EPB41L4B: variants seen among roughly 807,000 people sequenced by gnomAD.
The protein encoded by EPB41L4B is band 4.1-like protein 4B.
In EPB41L4B, 30 loss-of-function variants were observed where a neutral mutation model predicts 112.5. The ratio of observed to expected loss-of-function variants is 0.27; its 90% CI spans 0.20 to 0.36. The LOEUF is 0.36. Among genes scored for constraint, EPB41L4B ranks in the 10% least tolerant of loss-of-function variants. EPB41L4B has a pLI of 1.00. For synonymous variants in EPB41L4B, 408 were observed against 439.7 expected (o/e 0.93, Z 0.90); for missense variants, 1,024 against 1,133.3 (o/e 0.90, Z 1.38).
intron 1 of EPB41L4B, among the ~76,000 whole-genome samples, chr9:109,296,540 C>T (rs553655327): frequency 3.3e-5 from 5 of 152,074 alleles, no homozygotes; most frequent in South Asian, 2.1e-4. Context: ...ACCTATGGGA[C>T]GGGCCTGGGG....
intron 1 of EPB41L4B, among the ~76,000 whole-genome samples, chr9:109,290,784 C>A (rs77135515): frequency 0.021 from 3,131 of 147,618 alleles, 48 homozygotes; most frequent in East Asian, 0.098. Flanking sequence ...ACACACACAC[C>A]CCCCACCAAG....
At position 109,267,560 on chromosome 9, in the gene EPB41L4B, T is replaced by G. The variant is rs771645900; in HGVS notation, c.455-9A>C. 1.3e-5 allele frequency: 20 copies of G among 1,579,068 alleles called. No individual in the cohort carries two copies. The highest frequency in any genetic ancestry group is 1.7e-5 in the Non-Finnish European group (19 of 1,148,936). ...AGCATAAGCAGGTCCAACTAAACAT[T>G]TGGAGATGGAAGGTTGAAGATGTTT... On this transcript the variant is annotated splice_polypyrimidine_tract_variant and intron_variant, in intron 3 of 25. Transcript: ENST00000374566.
chr9:109,276,580 T>C (rs144577245), intron 2 of EPB41L4B, among the ~76,000 whole-genome samples: 80 of 152,066 alleles, frequency 5.3e-4, no homozygotes, highest in African/African-American at 1.7e-3. Context: ...ATTTGTAGAG[T>C]TGGATGCTGG....
At chr9:109,296,552 T>G (rs1836736877) in intron 1 of EPB41L4B, among the ~76,000 whole-genome samples, 1 of 152,126 alleles carries the variant, frequency 6.6e-6, no homozygotes, top group South Asian at 2.1e-4. Context: ...GGCCTGGGGA[T>G]GAAGGTAGCC....
At chr9:109,258,989 G>A (rs1419715403) in intron 6 of EPB41L4B, among the ~76,000 whole-genome samples, 1 of 152,146 alleles carries the variant, frequency 6.6e-6, no homozygotes. Context: ...GAGGATACAG[G>A]TGGCCCCCTC....
chr9:109,219,696 T>C (rs1833508217), intron 15 of EPB41L4B, among the ~76,000 whole-genome samples: 2 of 152,236 alleles, frequency 1.3e-5, no homozygotes, highest in Non-Finnish European at 2.9e-5. Flanking sequence ...AAATTAAATT[T>C]CACAACTGCA....
At chr9:109,300,881 A>T (rs1201866233) in intron 1 of EPB41L4B, 1 of 152,220 alleles carries the variant, frequency 6.6e-6, no homozygotes, top group East Asian at 1.9e-4. Flanking sequence ...AGTTACCACT[A>T]CTAACATCCA....
chr9:109,217,167 G>A (rs778920846), intron 15 of EPB41L4B, 22 bp from the exon 16 acceptor site: 1 of 1,610,284 alleles, frequency 6.2e-7, no homozygotes, highest in East Asian at 2.2e-5. Context: ...GACACAGTCA[G>A]GATTTAGAAA....
At chr9:109,271,177 C>T (rs1835601854) in intron 2 of EPB41L4B, among the ~76,000 whole-genome samples, 1 of 152,250 alleles carries the variant, frequency 6.6e-6, no homozygotes, top group African/African-American at 2.4e-5. Flanking sequence ...TACCGGGTGG[C>T]TGACTGCTTT....
At chr9:109,268,315 A>T in intron 3 of EPB41L4B, 76 bp downstream of exon 3, 1 of 1,320,588 alleles carries the variant, frequency 7.6e-7, no homozygotes, top group Non-Finnish European at 1.1e-6. Context: ...ATGAAAACAT[A>T]ACACCTCAAA....
chr9:109,188,067 A>G (rs915268062), intron 22 of EPB41L4B, among the ~76,000 whole-genome samples: 2 of 152,166 alleles, frequency 1.3e-5, no homozygotes, highest in African/African-American at 4.8e-5. Flanking sequence ...GCAAGCAGCT[A>G]CATTCATCTG....
intron 15 of EPB41L4B, among the ~76,000 whole-genome samples, chr9:109,238,827 G>A (rs913220737): frequency 6.6e-6 from 1 of 152,220 alleles, no homozygotes; most frequent in Non-Finnish European, 1.5e-5. Flanking sequence ...AGAAAGAACA[G>A]TATTTGCAAA....
chr9:109,290,547 C>G (rs1836484328), intron 1 of EPB41L4B, among the ~76,000 whole-genome samples: 1 of 152,222 alleles, frequency 6.6e-6, no homozygotes, highest in East Asian at 1.9e-4. Context: ...CAGAGCTCCA[C>G]CTGGGATCAG....
intron 5 of EPB41L4B, 30 bp downstream of exon 5, chr9:109,264,950 G>A: frequency 6.3e-7 from 1 of 1,581,440 alleles, no homozygotes; most frequent in Non-Finnish European, 8.6e-7. Flanking sequence ...ATCTATCCTG[G>A]GTTAAGAGTT....
intron 17 of EPB41L4B, among the ~76,000 whole-genome samples, chr9:109,211,362 C>A (rs4978386): frequency 0.38 from 57,170 of 151,562 alleles, 11,312 homozygotes; most frequent in Middle Eastern, 0.46. Context: ...TGGGAGGCTG[C>A]GGAGTGTGGA....
rs142022792 is a variant in EPB41L4B at position 109,262,945 on chromosome 9, A to G, written c.631+105T>C. On this transcript the variant is annotated intron_variant, in intron 6 of 25. Transcript: ENST00000374566. ...GACAGAGACCGTGTCATATTCATTT[A>G]TATCCCCAAAGCTAAGCACTGGGCC... is the stretch of plus-strand genomic sequence containing the variant. 7.7e-5 allele frequency: 60 copies of G among 779,166 alleles called. No individual in the cohort carries two copies. The African/African-American group carries it at 9.2e-4, about 12-fold the overall frequency. The allele number at this position is 779,166 out of a possible 1,614,324, so 48.3% of individuals were successfully genotyped here. A position where few individuals can be genotyped will look rare whatever the true frequency, so the allele number is the denominator to read the frequency against.
Position 109,216,996 on chromosome 9 carries a change from T to A in EPB41L4B, c.1559A>T (p.Tyr520Phe). 1 of 1,614,166 alleles carries A rather than the reference T, an allele frequency of 6.2e-7. No homozygotes were observed. Among genetic ancestry groups the A allele is most frequent in the Middle Eastern group, 1.6e-4 (1 of 6,062 alleles). ...HQHQHQHHSNYSLSLTLENKE... is the reference protein window; with the variant it reads ...HQHQHQHHSNFSLSLTLENKE... ...GTTCTCCAGGGTCAGTGAGAGGCTG[T>A]AGTTTGAGTGGTGCTGGTGCTGATG... The change falls in exon 16 of 26, where the codon TAC becomes TTC. Residue 520 changes from tyrosine to phenylalanine, a missense_variant. Physicochemically the swap from Tyr to Phe is conservative, Grantham distance 22. Coordinates refer to ENST00000374566, the MANE Select transcript of EPB41L4B (RefSeq NM_019114.5).
At chr9:109,253,401 C>T (rs766076629) in intron 12 of EPB41L4B, 40 bp downstream of exon 12, 1 of 1,431,508 alleles carries the variant, frequency 7.0e-7, no homozygotes, top group Non-Finnish European at 9.8e-7. Context: ...ATGACTCAAG[C>T]ATAATGTAAA....
intron 20 of EPB41L4B, among the ~76,000 whole-genome samples, chr9:109,198,115 T>G (rs1333140667): frequency 2.0e-5 from 3 of 152,174 alleles, no homozygotes; most frequent in African/African-American, 7.2e-5. Context: ...GAAGTTTCTA[T>G]GAAGGATATG....
Sources: allele counts gnomAD v4.1 joint callset (sites outside exome capture counted in the v4.1 genomes callset), GRCh38; gene constraint gnomAD v4.1.1; transcripts MANE v1.5; gene names NCBI Gene and HGNC (gene_info 2026-07-23, HGNC 2026-07-21).